The following SIPA1L1 variants were observed in gnomAD, a reference collection of about 807,000 sequenced individuals.
SIPA1L1 encodes signal-induced proliferation-associated 1-like protein 1.
In SIPA1L1, 26 loss-of-function variants were observed where a neutral mutation model predicts 162.7. The ratio of observed to expected loss-of-function variants is 0.16; its 90% CI spans 0.12 to 0.22. The LOEUF is 0.22. Ranked by LOEUF, SIPA1L1 falls within the 10% of genes least tolerant of loss-of-function variation. The pLI, the probability that SIPA1L1 is intolerant of heterozygous loss-of-function variation, is 1.00. For missense variants in SIPA1L1, 1,874 were observed against 2,241.0 expected, an observed-to-expected ratio of 0.84 and a Z score of 3.31; for synonymous variants, 829 against 837.4, an observed-to-expected ratio of 0.99 and a Z score of 0.17.
intron 2 of SIPA1L1, among the ~76,000 whole-genome samples, chr14:71,391,015 C>T (rs998159039): frequency 1.3e-5 from 2 of 151,152 alleles, no homozygotes; most frequent in African/African-American, 2.4e-5. Flanking sequence ...GGAATAGACA[C>T]TATACTAAGA....
chr14:71,733,589 G>A (rs556472962), intron 20 of SIPA1L1, 77 bp from the exon 21 acceptor site: 2 of 1,426,418 alleles, frequency 1.4e-6, no homozygotes, highest in African/African-American at 1.4e-5. Flanking sequence ...ATCTATTGTG[G>A]TAACAGGAAA....
At chr14:71,389,004 T>A (rs1309209716) in intron 2 of SIPA1L1, among the ~76,000 whole-genome samples, 1 of 152,212 alleles carries the variant, frequency 6.6e-6, no homozygotes, top group African/African-American at 2.4e-5. Context: ...GGTCTCGAAC[T>A]CCTAGGCTCA....
intron 2 of SIPA1L1, among the ~76,000 whole-genome samples, chr14:71,479,035 A>G (rs1343766761): frequency 6.6e-6 from 1 of 151,918 alleles, no homozygotes; most frequent in South Asian, 2.1e-4. Context: ...CTGCTCCTCT[A>G]GCTAAAACTC....
At position 71,356,567 on chromosome 14, in the gene SIPA1L1, C is replaced by CAAAAAAAAAAAAAAAAAAAAAAAA. The variant is rs71105772; in HGVS notation, c.-465+35406_-465+35407insAAAAAAAAAAAAAAAAAAAAAAAA. ...GCAACATAGCAAGACCTTGTCTCTA[C>CAAAAAAAAAAAAAAAAAAAAAAAA]AAAAAAAAAAAAAAAAAAAAGCACA... On this transcript the variant is annotated intron_variant, in intron 2 of 23. Transcript: ENST00000381232. Among the ~76,000 whole-genome samples the CAAAAAAAAAAAAAAAAAAAAAAAA allele has an allele frequency of 1.2e-3, 48 of 39,156 alleles. 15 individuals are homozygous for CAAAAAAAAAAAAAAAAAAAAAAAA. Among genetic ancestry groups the CAAAAAAAAAAAAAAAAAAAAAAAA allele is most frequent in the Non-Finnish European group, 1.5e-3 (35 of 23,186 alleles). The allele number at this position is 39,156 out of a possible 152,430, so 25.7% of individuals were successfully genotyped here.
intron 3 of SIPA1L1, among the ~76,000 whole-genome samples, chr14:71,519,911 C>T (rs1340313528): frequency 6.6e-6 from 1 of 151,778 alleles, no homozygotes; most frequent in African/African-American, 2.4e-5. Context: ...GATTATAACC[C>T]ACTGAATAAA....
chr14:71,709,022 C>T (rs2082677626), intron 16 of SIPA1L1, among the ~76,000 whole-genome samples, 200 bp from the exon 17 acceptor site: 2 of 151,356 alleles, frequency 1.3e-5, no homozygotes, highest in African/African-American at 4.9e-5. Context: ...AAAAAAAACA[C>T]GTTTCTAGTA....
Position 71,588,632 on chromosome 14 carries a change from G to A in SIPA1L1, c.760G>A (p.Gly254Ser). The A allele has an allele frequency of 6.2e-7, 1 of 1,614,024 alleles. No individual in the cohort carries two copies. Among genetic ancestry groups the A allele is most frequent in the Non-Finnish European group, 8.5e-7 (1 of 1,179,968 alleles). ...SDFLITGGGK[G>S]SGFSLDVIDG... ...CTTTCTCATTACTGGTGGTGGCAAG[G>A]GTTCTGGTTTCTCTTTGGATGTAAT... Residue 254 changes from glycine to serine, a missense_variant, in exon 5 of 24, where the codon GGT (glycine) becomes AGT (serine). This residue lies in a region of SIPA1L1 where 685 missense variants were observed against 828.0 expected (regional missense o/e 0.83). Transcript: ENST00000381232. The surrounding 1 kb of genome is among the most constrained non-coding windows in gnomAD (Gnocchi z 4.3).
At chr14:71,535,356 T>C (rs1226319672) in intron 4 of SIPA1L1, among the ~76,000 whole-genome samples, 1 of 152,242 alleles carries the variant, frequency 6.6e-6, no homozygotes. Context: ...TTTGTTTCCA[T>C]TGATTTTTTA....
chr14:71,465,107 CA>C (rs2046896338), intron 2 of SIPA1L1, among the ~76,000 whole-genome samples: 1 of 152,072 alleles, frequency 6.6e-6, no homozygotes, highest in African/African-American at 2.4e-5. Context: ...TTGCTTCTGG[CA>C]AAAAAGCTTC....
chr14:71,326,597 G>A (rs1222602018), intron 2 of SIPA1L1, among the ~76,000 whole-genome samples: 2 of 151,850 alleles, frequency 1.3e-5, no homozygotes, highest in South Asian at 2.1e-4. Context: ...AAACGATCGT[G>A]TTCCTATAAT....
At chr14:71,403,054 TTA>T (rs575438876) in intron 2 of SIPA1L1, among the ~76,000 whole-genome samples, 90 of 152,220 alleles carry the variant, frequency 5.9e-4, no homozygotes, top group African/African-American at 2.1e-3. Context: ...CTGAATATAA[TTA>T]TATATATTGA....
chr14:71,498,927 G>A (rs1213533488), intron 2 of SIPA1L1, among the ~76,000 whole-genome samples: 1 of 152,148 alleles, frequency 6.6e-6, no homozygotes, highest in Non-Finnish European at 1.5e-5. Flanking sequence ...AATTTTTGAT[G>A]ATGTAGTATT....
chr14:71,546,093 AAGAG>A (rs2055163551), intron 4 of SIPA1L1, among the ~76,000 whole-genome samples: 1 of 152,122 alleles, frequency 6.6e-6, no homozygotes, highest in African/African-American at 2.4e-5. Context: ...AGGAAAAAAA[AAGAG>A]AGAGAGAAAA....
In SIPA1L1 at chr14:71,402,708, C is replaced by G. The variant is rs1267840300; in HGVS notation, c.-465+81527C>G. On this transcript the variant is annotated intron_variant, in intron 2 of 23. Transcript: ENST00000381232. Reference sequence around the variant, plus strand: ...CTCCTTCCTAAAATAGAGATAATGCCCATGTCCTAGGATTGTTGTATTGGT... The same window carrying G: ...CTCCTTCCTAAAATAGAGATAATGCGCATGTCCTAGGATTGTTGTATTGGT... Among the ~76,000 whole-genome samples, 5 of 151,928 alleles carry G rather than the reference C, an allele frequency of 3.3e-5. No individual in the cohort carries two copies. In the East Asian group the frequency reaches 9.6e-4, roughly 29 times the overall value.
intron 5 of SIPA1L1, among the ~76,000 whole-genome samples, chr14:71,602,769 G>T (rs888382005): frequency 6.6e-6 from 1 of 152,222 alleles, no homozygotes; most frequent in Admixed American, 6.5e-5. Context: ...CCTAAGCTCT[G>T]CCTCTAGTCA....
chr14:71,437,711 A>T (rs529780764), intron 2 of SIPA1L1, among the ~76,000 whole-genome samples: 28 of 152,310 alleles, frequency 1.8e-4, no homozygotes, highest in Non-Finnish European at 2.5e-4. Context: ...GTTACTCATC[A>T]TACTACCTCT....
At chr14:71,570,785 A>AT (rs2031831238) in intron 4 of SIPA1L1, among the ~76,000 whole-genome samples, 1 of 152,100 alleles carries the variant, frequency 6.6e-6, no homozygotes, top group African/African-American at 2.4e-5. Context: ...GAATAGAATG[A>AT]TTTTTTATTT....
At chr14:71,416,815 T>G (rs925855564) in intron 2 of SIPA1L1, among the ~76,000 whole-genome samples, 8 of 152,062 alleles carry the variant, frequency 5.3e-5, no homozygotes, top group Non-Finnish European at 1.2e-4. Flanking sequence ...AAATCCATCA[T>G]TCTTTTTTAA....
intron 10 of SIPA1L1, among the ~76,000 whole-genome samples, chr14:71,668,110 GTTGGCT>G (rs890261316): frequency 1.3e-5 from 2 of 152,086 alleles, no homozygotes; most frequent in Non-Finnish European, 2.9e-5. Context: ...TCAGCTTGAA[GTTGGCT>G]TTGGGTATCA....
Sources: allele counts gnomAD v4.1 joint callset (sites outside exome capture counted in the v4.1 genomes callset), GRCh38; gene constraint gnomAD v4.1.1; regional missense constraint gnomAD v4.1.1; non-coding constraint Gnocchi (gnomAD v3.1); transcripts MANE v1.5; gene names NCBI Gene and HGNC (gene_info 2026-07-23, HGNC 2026-07-21).